The following OOSP4B variants were observed in gnomAD, a reference collection of about 807,000 sequenced individuals.
OOSP4B encodes the protein oocyte-secreted protein 4B.
At chr11:60,029,639 T>A (rs1007505481) in intron 3 of OOSP4B, 143 bp from the exon 4 acceptor site, 3 of 394,302 alleles carry the variant, frequency 7.6e-6, no homozygotes, top group African/African-American at 4.1e-5. Context: ...TTATTTAGAT[T>A]TACTGAGCTA....
intron 1 of OOSP4B, chr11:60,021,689 A>G (rs1460231481): frequency 6.6e-6 from 1 of 152,242 alleles, no homozygotes; most frequent in African/African-American, 2.4e-5. Flanking sequence ...AGACTCAATA[A>G]CAAGAACATA....
chr11:60,025,974 C>T (rs1854743342), intron 3 of OOSP4B, among the ~76,000 whole-genome samples: 1 of 152,186 alleles, frequency 6.6e-6, no homozygotes, highest in South Asian at 2.1e-4. Flanking sequence ...TATTAGTGCT[C>T]ATTGGCCATT....
intron 4 of OOSP4B, 136 bp from the exon 5 acceptor site, chr11:60,030,666 C>T (rs1427407064): frequency 5.1e-6 from 2 of 394,680 alleles, no homozygotes; most frequent in Non-Finnish European, 8.9e-6. Context: ...CCATAGATTA[C>T]ATTTTAGGGT....
At chr11:60,030,213 G>A (rs1854793017) in intron 4 of OOSP4B, among the ~76,000 whole-genome samples, 1 of 152,064 alleles carries the variant, frequency 6.6e-6, no homozygotes, top group South Asian at 2.1e-4. Flanking sequence ...AAATGAAATT[G>A]TTGTCATAGA....
At chr11:60,023,545 C>T (rs893569587) in intron 1 of OOSP4B, among the ~76,000 whole-genome samples, 7 of 152,124 alleles carry the variant, frequency 4.6e-5, no homozygotes, top group Non-Finnish European at 8.8e-5. Flanking sequence ...AGCAATTCTC[C>T]CACCTCAGTC....
At chr11:60,024,489 G>C (rs1854725452) in intron 2 of OOSP4B, among the ~76,000 whole-genome samples, 1 of 152,208 alleles carries the variant, frequency 6.6e-6, no homozygotes, top group Admixed American at 6.5e-5. Context: ...GTAGTGAGCT[G>C]AGATGGCACT....
chr11:60,021,790 C>T (rs902806291), intron 1 of OOSP4B, among the ~76,000 whole-genome samples: 1 of 152,068 alleles, frequency 6.6e-6, no homozygotes, highest in Non-Finnish European at 1.5e-5. Context: ...TTGAGACCAG[C>T]CTGGCCAGCC....
chr11:60,020,452 G>T (rs2134622724), intron 1 of OOSP4B, among the ~76,000 whole-genome samples: 1 of 152,352 alleles, frequency 6.6e-6, no homozygotes, highest in Admixed American at 6.5e-5. Flanking sequence ...AGCAGCTGCT[G>T]GTCCAGGTGC....
rs193083681 is a variant in OOSP4B, at chr11:60,018,186, G to A, written c.22+773G>A. Among the ~76,000 whole-genome samples the A allele has an allele frequency of 1.4e-4, 22 of 152,328 alleles. No homozygotes were observed. In the East Asian group the frequency reaches 4.1e-3, roughly 28 times the overall value. ...GTGATGTCGGCTGCGTCTAATGTCA[G>A]TGTGAGAGGTTTGCCAAATAAAGCA... On this transcript the variant is annotated intron_variant, in intron 1 of 4. Transcript: ENST00000642343.
chr11:60,029,498 AGAAT>A (rs1854782508), intron 3 of OOSP4B, among the ~76,000 whole-genome samples: 1 of 152,298 alleles, frequency 6.6e-6, no homozygotes, highest in Admixed American at 6.5e-5. Flanking sequence ...CAGCATAGAT[AGAAT>A]GTTTGTCACA....
rs188916889 is a variant in OOSP4B, at chr11:60,020,713, C to T, written c.23-3167C>T. Among the ~76,000 whole-genome samples, 1,217 of 152,370 alleles carry T rather than the reference C, an allele frequency of 8.0e-3. 12 individuals are homozygous for T. The highest frequency in any genetic ancestry group is 0.012 in the Non-Finnish European group (818 of 68,036). On this transcript the variant is annotated intron_variant, in intron 1 of 4. Coordinates refer to ENST00000642343, the Ensembl canonical transcript of OOSP4B. Reference sequence around the variant, plus strand: ...GCTCCTCAAGCGGCCAGAGTGGGCGCCAAGGCCGAGGAGGCGTGGAGAGCG... The same window carrying T: ...GCTCCTCAAGCGGCCAGAGTGGGCGTCAAGGCCGAGGAGGCGTGGAGAGCG...
chr11:60,019,239 A>T (rs1016635521), intron 1 of OOSP4B, among the ~76,000 whole-genome samples: 2 of 151,906 alleles, frequency 1.3e-5, no homozygotes, highest in South Asian at 2.1e-4. Context: ...AAAATAAAAA[A>T]AAATAACCTA....
chr11:60,023,859 T>C (rs1317530686), intron 1 of OOSP4B, 21 bp from the exon 2 acceptor site: 5 of 398,456 alleles, frequency 1.3e-5, no homozygotes, highest in Non-Finnish European at 2.2e-5. Context: ...CATATTACTT[T>C]TTGGATTTTT....
chr11:60,020,199 G>A (rs1215521494), intron 1 of OOSP4B, among the ~76,000 whole-genome samples: 1 of 152,236 alleles, frequency 6.6e-6, no homozygotes, highest in East Asian at 1.9e-4. Flanking sequence ...GCTTCACCCA[G>A]TGGATCCCAT....
chr11:60,017,999 T>C (rs1565047189), intron 1 of OOSP4B, among the ~76,000 whole-genome samples: 1 of 152,224 alleles, frequency 6.6e-6, no homozygotes, highest in Non-Finnish European at 1.5e-5. Context: ...CAAGTTACTT[T>C]TGAAGTCTCT....
chr11:60,021,662 C>G (rs1854691351), intron 1 of OOSP4B: 2 of 152,158 alleles, frequency 1.3e-5, no homozygotes, highest in African/African-American at 4.8e-5. Context: ...TCTGTCCTAT[C>G]TCAGGTTTTC....
intron 1 of OOSP4B, 53 bp downstream of exon 1, chr11:60,017,466 A>G (rs1231204351): frequency 2.5e-6 from 1 of 398,574 alleles, no homozygotes; most frequent in African/African-American, 2.1e-5. Context: ...GATTCAACCC[A>G]GGTATGCATA....
At chr11:60,022,885 A>G (rs1054950655) in intron 1 of OOSP4B, among the ~76,000 whole-genome samples, 10 of 152,184 alleles carry the variant, frequency 6.6e-5, no homozygotes, top group African/African-American at 2.4e-4. Context: ...CTGAAACCTA[A>G]TCTTTTATAT....
At chr11:60,026,925 C>CAGT (rs1164948041) in intron 3 of OOSP4B, among the ~76,000 whole-genome samples, 4 of 152,188 alleles carry the variant, frequency 2.6e-5, no homozygotes, top group Non-Finnish European at 4.4e-5. Context: ...GTTAACCAGA[C>CAGT]AGTAGCTAAA....
Sources: allele counts gnomAD v4.1 joint callset (sites outside exome capture counted in the v4.1 genomes callset), GRCh38; gene constraint gnomAD v4.1.1; transcripts MANE v1.5; gene names NCBI Gene and HGNC (gene_info 2026-07-23, HGNC 2026-07-21).